The following NIN variants were observed in gnomAD, a reference collection of about 807,000 sequenced individuals.
NIN encodes ninein.
In NIN, 137 loss-of-function variants were observed where a neutral mutation model predicts 257.6. The ratio of observed to expected loss-of-function variants is 0.53; its 90% confidence interval spans 0.46 to 0.61. The LOEUF (loss-of-function observed/expected upper bound fraction) is 0.61, where lower values mean the gene tolerates loss of function less well. NIN is among the 20% of genes least tolerant of loss of function. NIN has a pLI of 0.00. For synonymous variants in NIN, 918 were observed against 919.8 expected, an observed-to-expected ratio of 1.00 and a Z score of 0.04; for missense variants, 2,439 against 2,501.2, an observed-to-expected ratio of 0.98 and a Z score of 0.53.
chr14:50,745,576 T>A (rs2041501319), intron 22 of NIN, among the ~76,000 whole-genome samples: 1 of 152,142 alleles, frequency 6.6e-6, no homozygotes, highest in African/African-American at 2.4e-5. Context: ...ACTTTCAGGG[T>A]TCAATCTTGT....
intron 29 of NIN, among the ~76,000 whole-genome samples, chr14:50,728,374 C>T (rs765171858): frequency 9.2e-5 from 14 of 152,040 alleles, no homozygotes; most frequent in Admixed American, 7.2e-4. Flanking sequence ...GCTCATAAAA[C>T]AAAAACCTTC....
intron 3 of NIN, among the ~76,000 whole-genome samples, chr14:50,815,158 T>C (rs2044827818): frequency 6.6e-6 from 1 of 152,190 alleles, no homozygotes; most frequent in Non-Finnish European, 1.5e-5. Flanking sequence ...AAAGGTCTAA[T>C]ACCCAGACTT....
chr14:50,736,192 GCA>G (rs71443117), intron 27 of NIN, among the ~76,000 whole-genome samples: 24,282 of 151,882 alleles, frequency 0.16, 2,511 homozygotes, highest in East Asian at 0.53. Flanking sequence ...GAGTGCAGTG[GCA>G]CAGTCTCAGC....
At position 50,741,667 on chromosome 14, in the gene NIN, T is replaced by G. The variant is rs775724124; in HGVS notation, c.5363A>C (p.Asp1788Ala). The G allele has an allele frequency of 3.1e-6, 5 of 1,614,108 alleles. No homozygotes were observed. In the South Asian group the frequency reaches 5.5e-5, roughly 18 times the overall value. ...CTTTTCCTGCTGAGTCACTCGTAGG[T>G]CAGATTTCATCCGGGACATTTGCAG... is the stretch of plus-strand genomic sequence containing the variant. Reference protein sequence around the residue: ...VNLQMSRMKSDLRVTQQEKEA... With the variant: ...VNLQMSRMKSALRVTQQEKEA... Residue 1788 changes from aspartate to alanine, a missense_variant, in exon 25 of 31, where the codon GAC (aspartate) becomes GCC (alanine). By Grantham distance (126) the Asp-to-Ala change is moderately radical. Transcript: ENST00000530997.
In NIN at chr14:50,729,731, A is replaced by G; in HGVS notation, c.5878-8T>C. On this transcript the variant is annotated splice_region_variant and splice_polypyrimidine_tract_variant and intron_variant, in intron 28 of 30. Transcript: ENST00000530997. ...GGACCTCAGGTGCTGCATCTGAAGG[A>G]CAAGGGCAAAGCCCTGTTCAGCTGA... The G allele has an allele frequency of 6.3e-7, 1 of 1,588,384 alleles. No individual in the cohort carries two copies. Among genetic ancestry groups the G allele is most frequent in the Non-Finnish European group, 8.6e-7 (1 of 1,166,954 alleles).
At chr14:50,804,269 A>G (rs1228300020) in intron 4 of NIN, among the ~76,000 whole-genome samples, 4 of 152,086 alleles carry the variant, frequency 2.6e-5, no homozygotes, top group Non-Finnish European at 5.9e-5. Flanking sequence ...GAACAACTGG[A>G]GGGGCCAAGG....
At chr14:50,821,518 C>T (rs1273410758) in intron 3 of NIN, among the ~76,000 whole-genome samples, 1 of 152,224 alleles carries the variant, frequency 6.6e-6, no homozygotes, top group Non-Finnish European at 1.5e-5. Flanking sequence ...AGCTTTCTTA[C>T]TGCATTTTCT....
chr14:50,813,143 A>AC (rs1156992833), intron 3 of NIN, among the ~76,000 whole-genome samples: 1 of 152,100 alleles, frequency 6.6e-6, no homozygotes, highest in Non-Finnish European at 1.5e-5. Context: ...GTTGATGAAC[A>AC]CCCCCACCGG....
At chr14:50,827,378 T>A (rs1211769336) in intron 2 of NIN, among the ~76,000 whole-genome samples, 4 of 152,104 alleles carry the variant, frequency 2.6e-5, no homozygotes, top group Non-Finnish European at 5.9e-5. Context: ...CACAACAATA[T>A]CACTGTGAAT....
intron 7 of NIN, among the ~76,000 whole-genome samples, chr14:50,776,682 A>G (rs2042936222): frequency 6.6e-6 from 1 of 152,240 alleles, no homozygotes; most frequent in Non-Finnish European, 1.5e-5. Flanking sequence ...ATGGCTACAG[A>G]GAGCTAGTGC....
chr14:50,759,802 C>A (rs550819439), intron 17 of NIN, 55 bp downstream of exon 17: 1 of 1,540,490 alleles, frequency 6.5e-7, no homozygotes. Flanking sequence ...ACTGGCACTT[C>A]TAATGCCCCG....
intron 27 of NIN, among the ~76,000 whole-genome samples, chr14:50,736,281 C>T (rs73295456): frequency 0.034 from 5,148 of 151,906 alleles, 286 homozygotes; most frequent in African/African-American, 0.12. Context: ...TACAGGTGTG[C>T]ACCACTGCAC....
rs187458736 is a variant in NIN, at chr14:50,756,881, G to A, written c.4149C>T (p.Val1383=). Residue 1383 remains valine (V), a synonymous_variant, in exon 18 of 31, where the codon GTC becomes GTT. Transcript: ENST00000530997. The part of the protein sequence containing the change: ...CVPRVRSVHH[V]IEECKQENQY... ...GGTTTTCTTGCTTACATTCCTCTAT[G>A]ACATGATGTACACTCCTAACCCTGG... The A allele has an allele frequency of 6.4e-7, 1 of 1,553,486 alleles. No homozygotes were observed.
intron 4 of NIN, among the ~76,000 whole-genome samples, chr14:50,794,762 A>T (rs2043761258): frequency 3.5e-5 from 3 of 85,460 alleles, no homozygotes; most frequent in South Asian, 2.7e-4. Context: ...TTCAGAGGTT[A>T]AAAAAAAAAA....
At chr14:50,793,604 G>A (rs113053721) in intron 4 of NIN, among the ~76,000 whole-genome samples, 1 of 152,104 alleles carries the variant, frequency 6.6e-6, no homozygotes, top group African/African-American at 2.4e-5. Context: ...ATGTGCATGA[G>A]GTGAGAGTCA....
At chr14:50,766,991 T>A (rs985883716) in intron 12 of NIN, 101 bp from the exon 13 acceptor site, 1 of 758,826 alleles carries the variant, frequency 1.3e-6, no homozygotes, top group Non-Finnish European at 2.2e-6. Context: ...AGATTAAAGA[T>A]GTTTATCTAT....
intron 3 of NIN, among the ~76,000 whole-genome samples, chr14:50,815,870 G>A (rs535547118): frequency 3.9e-4 from 60 of 152,196 alleles, no homozygotes; most frequent in Non-Finnish European, 4.4e-4. Context: ...TTAGCTGGGC[G>A]TGGTGGCATG....
At position 50,757,774 on chromosome 14, in the gene NIN, T is replaced by C. The variant is rs767790316; in HGVS notation, c.3256A>G (p.Thr1086Ala). 3.1e-6 allele frequency: 5 copies of C among 1,614,172 alleles called. No homozygotes were observed. Among genetic ancestry groups the C allele is most frequent in the Non-Finnish European group, 4.2e-6 (5 of 1,180,020 alleles). Residue 1086 changes from threonine to alanine, a missense_variant, in exon 18 of 31, where the codon ACT becomes GCT. Around this residue, in one of 3 missense-constraint regions of NIN, gnomAD observed 2,043 missense variants for 2,050.2 expected, o/e 1.00. Transcript: ENST00000530997. ...QAVKENVKMA[T>A]EISRLQQRLQ... ...CTCTGTTGCAATCTAGAAATTTCAG[T>C]AGCCATTTTCACATTTTCCTTCACT...
At position 50,759,826 on chromosome 14, in the gene NIN, C is replaced by T. The variant is rs770006507; in HGVS notation, c.2399+31G>A. 10 of 1,573,586 alleles carry T rather than the reference C, an allele frequency of 6.4e-6. No homozygotes were observed. In the South Asian group the frequency reaches 1.2e-4, roughly 19 times the overall value. The stretch of plus-strand genomic sequence containing the variant: ...TCTAATGCCCCGAGGGATGGTGCCC[C>T]AGGTAGCTTCATTTCCCTTCACTTT... On this transcript the variant is annotated intron_variant, in intron 17 of 30. Transcript: ENST00000530997.
Sources: gnomAD v4.1 joint callset for allele counts (sites outside exome capture counted in the v4.1 genomes callset) on GRCh38, gnomAD v4.1.1 for gene constraint, gnomAD v4.1.1 regional missense constraint, MANE v1.5 for transcripts, NCBI Gene and HGNC (gene_info 2026-07-23, HGNC 2026-07-21) for gene names.